Variants in CNTNAP2 observed in about 807,000 individuals in gnomAD.
CNTNAP2 encodes the protein contactin-associated protein-like 2.
A neutral mutation model predicts 155.2 loss-of-function variants in CNTNAP2; 98 were observed. The observed-to-expected ratio is 0.63, with a 90% CI of 0.54 to 0.75. The LOEUF is 0.75. Ranked by LOEUF, CNTNAP2 falls within the 30% of genes least tolerant of loss-of-function variation. The pLI, the probability that CNTNAP2 is intolerant of heterozygous loss-of-function variation, is 0.00. For missense variants in CNTNAP2, 1,727 were observed against 1,688.1 expected (o/e 1.02, Z -0.40); for synonymous variants, 651 against 631.2 (o/e 1.03, Z -0.47).
rs1006771777 is a variant in CNTNAP2 at position 146,628,728 on chromosome 7, G to A, written c.98-145543G>A. On this transcript the variant is annotated intron_variant, in intron 1 of 23. Transcript: ENST00000361727. ...GGATAGTATTTAGAGACTGTACTTC[G>A]ATCAAGTATATGAGCACAGAAGGAC... Among the ~76,000 whole-genome samples, 5 of 151,972 alleles carry A rather than the reference G, an allele frequency of 3.3e-5. No individual in the cohort carries two copies. In the South Asian group the frequency reaches 6.2e-4, roughly 19 times the overall value.
intron 3 of CNTNAP2, among the ~76,000 whole-genome samples, chr7:147,040,275 G>A (rs1288571802): frequency 3.3e-5 from 5 of 152,020 alleles, no homozygotes; most frequent in Non-Finnish European, 7.4e-5. Flanking sequence ...CTGCTACATA[G>A]AAGACTCTCA....
intron 15 of CNTNAP2, among the ~76,000 whole-genome samples, chr7:147,980,650 C>T (rs1265350745): frequency 1.3e-5 from 2 of 151,806 alleles, no homozygotes; most frequent in Non-Finnish European, 2.9e-5. Context: ...CACGGCCGGG[C>T]GCGGTGGCTC....
chr7:147,557,178 C>T (rs1159184859), intron 11 of CNTNAP2, among the ~76,000 whole-genome samples: 4 of 152,060 alleles, frequency 2.6e-5, no homozygotes, highest in Non-Finnish European at 1.5e-5. Context: ...GCAAGAGGAT[C>T]GCTTGAACCC....
At chr7:147,644,295 A>G (rs1436588372) in intron 13 of CNTNAP2, among the ~76,000 whole-genome samples, 1 of 152,190 alleles carries the variant, frequency 6.6e-6, no homozygotes, top group Non-Finnish European at 1.5e-5. Context: ...ATTAGTGAAC[A>G]GTGAAATCTA....
chr7:147,510,868 T>TATATATATATATATATATATAA (rs1799005855), intron 11 of CNTNAP2, among the ~76,000 whole-genome samples: 2 of 143,598 alleles, frequency 1.4e-5, no homozygotes, highest in Admixed American at 6.9e-5. Context: ...TATATATATA[T>TATATATATATATATATATATAA]ATAATGCTTC....
chr7:147,136,152 A>G (rs991704148), intron 8 of CNTNAP2, among the ~76,000 whole-genome samples: 1 of 151,910 alleles, frequency 6.6e-6, no homozygotes, highest in Non-Finnish European at 1.5e-5. Flanking sequence ...AAGGTAATAC[A>G]ATGTGATTCA....
intron 1 of CNTNAP2, among the ~76,000 whole-genome samples, chr7:146,334,372 A>AG: frequency 6.7e-6 from 1 of 150,268 alleles, no homozygotes; most frequent in East Asian, 2.0e-4. Flanking sequence ...TGGAGGTTGC[A>AG]GTGAGCCAAG....
chr7:147,368,449 T>C (rs1315111012), intron 9 of CNTNAP2, among the ~76,000 whole-genome samples: 2 of 152,028 alleles, frequency 1.3e-5, no homozygotes, highest in African/African-American at 2.4e-5. Context: ...CTTTTGTACT[T>C]ACTTGAAATA....
At chr7:147,565,415 A>G (rs1318746075) in intron 12 of CNTNAP2, among the ~76,000 whole-genome samples, 1 of 152,120 alleles carries the variant, frequency 6.6e-6, no homozygotes, top group Non-Finnish European at 1.5e-5. Context: ...GTGGTCGTCT[A>G]TGGAAAGATT....
chr7:148,279,574 G>T (rs553290254), intron 21 of CNTNAP2, among the ~76,000 whole-genome samples: 1 of 152,312 alleles, frequency 6.6e-6, no homozygotes, highest in Non-Finnish European at 1.5e-5. Flanking sequence ...TTCCATGGAT[G>T]CATAGCACTG....
chr7:147,972,596 C>T (rs1411241555), intron 14 of CNTNAP2, among the ~76,000 whole-genome samples: 1 of 152,006 alleles, frequency 6.6e-6, no homozygotes, highest in African/African-American at 2.4e-5. Context: ...AAACAAAATC[C>T]ATAGAATCAA....
At chr7:146,577,956 T>C (rs1798550267) in intron 1 of CNTNAP2, among the ~76,000 whole-genome samples, 1 of 152,062 alleles carries the variant, frequency 6.6e-6, no homozygotes, top group Non-Finnish European at 1.5e-5. Flanking sequence ...GTATGGTAAG[T>C]AGTGGGAGTA....
At chr7:147,585,196 T>C (rs993750733) in intron 12 of CNTNAP2, among the ~76,000 whole-genome samples, 2 of 152,144 alleles carry the variant, frequency 1.3e-5, no homozygotes, top group African/African-American at 4.8e-5. Flanking sequence ...CAGACCTGGG[T>C]TGGTTGGCTT....
intron 13 of CNTNAP2, among the ~76,000 whole-genome samples, chr7:147,835,512 T>C (rs1798619095): frequency 6.6e-6 from 1 of 152,098 alleles, no homozygotes; most frequent in Non-Finnish European, 1.5e-5. Context: ...TGGTGGTGAA[T>C]GGATGAGCAG....
chr7:146,867,932 A>G (rs961349319), intron 3 of CNTNAP2, among the ~76,000 whole-genome samples: 16 of 152,060 alleles, frequency 1.1e-4, no homozygotes, highest in African/African-American at 3.6e-4. Flanking sequence ...CCTTCATCAG[A>G]TGCATAGTTT....
chr7:147,984,568 C>T (rs1338145301), intron 15 of CNTNAP2, among the ~76,000 whole-genome samples: 1 of 152,012 alleles, frequency 6.6e-6, no homozygotes, highest in Non-Finnish European at 1.5e-5. Flanking sequence ...CTCTTATGCT[C>T]TCGGGGAGTG....
In CNTNAP2 at chr7:148,217,382, C is replaced by T. The variant is rs112483670; in HGVS notation, c.3105C>T (p.Asn1035=). The change falls in exon 19 of 24, where the codon AAC becomes AAT. Residue 1035 remains asparagine (N), a synonymous_variant. Coordinates refer to ENST00000361727, the MANE Select transcript of CNTNAP2 (RefSeq NM_014141.6). ...NARDSSSRVD[N]APDQQNSHPD... ...GAGACTCCAGCAGCAGAGTAGACAA[C>T]GCTCCCGACCAGCAGAACTCCCACC... The T allele has an allele frequency of 6.0e-4, 974 of 1,614,170 alleles. 7 individuals carry two copies. The African/African-American group carries it at 8.6e-3, about 14-fold the overall frequency.
chr7:146,248,838 C>A (rs1799709272), intron 1 of CNTNAP2, among the ~76,000 whole-genome samples: 1 of 152,114 alleles, frequency 6.6e-6, no homozygotes, highest in Non-Finnish European at 1.5e-5. Context: ...TGTGAAGAGA[C>A]CACCAAACAG....
intron 8 of CNTNAP2, among the ~76,000 whole-genome samples, chr7:147,198,822 A>G (rs1444444454): frequency 6.6e-6 from 1 of 152,174 alleles, no homozygotes; most frequent in Non-Finnish European, 1.5e-5. Flanking sequence ...TACAACAAGA[A>G]ACTGCAACAA....
Sources: allele counts gnomAD v4.1 joint callset (sites outside exome capture counted in the v4.1 genomes callset), GRCh38; gene constraint gnomAD v4.1.1; transcripts MANE v1.5; gene names NCBI Gene and HGNC (gene_info 2026-07-23, HGNC 2026-07-21).